The following ABCA13 variants were observed in gnomAD, a reference collection of about 807,000 sequenced individuals.
The protein encoded by ABCA13 is ATP-binding cassette sub-family A member 13.
Under a neutral mutation model 478.7 loss-of-function variants are expected in ABCA13, and 476 were observed. The observed-to-expected ratio is 0.99, with a 90% CI of 0.92 to 1.07. The LOEUF is 1.07. Among genes scored for constraint, ABCA13 ranks in the 50% least tolerant of loss-of-function variants. The pLI, the probability that ABCA13 is intolerant of heterozygous loss-of-function variation, is 0.00. For missense variants in ABCA13, 6,060 were observed against 5,910.6 expected (o/e 1.03, Z -0.83); for synonymous variants, 2,252 against 2,158.9 (o/e 1.04, Z -1.20).
intron 42 of ABCA13, among the ~76,000 whole-genome samples, chr7:48,441,911 G>C (rs1221773190): frequency 6.6e-6 from 1 of 152,190 alleles, no homozygotes; most frequent in Non-Finnish European, 1.5e-5. Flanking sequence ...TGTGCGATGA[G>C]TAACAACAAA....
At chr7:48,424,859 GA>G (rs1312656919) in intron 41 of ABCA13, among the ~76,000 whole-genome samples, 1 of 152,192 alleles carries the variant, frequency 6.6e-6, no homozygotes, top group East Asian at 1.9e-4. Flanking sequence ...TATTGCTTTT[GA>G]AAAGAGTAAC....
Position 48,272,839 on chromosome 7 carries a change from TC to T in ABCA13, c.3175del (p.His1059ThrfsTer4). Reference sequence around the variant, plus strand: ...ACAGAGGGCCAAGAACTGGAAGTGATCCACACTACTTTGACAGGCCTCAAAC... The same window carrying T: ...ACAGAGGGCCAAGAACTGGAAGTGATCACACTACTTTGACAGGCCTCAAAC... ...MSTEGQELEV[I>X]HTTLTGLKQL... On this transcript the variant is annotated frameshift_variant, in exon 17 of 62. Coordinates refer to ENST00000435803, the MANE Select transcript of ABCA13 (RefSeq NM_152701.5). LOFTEE classifies it high-confidence loss of function. 1 of 1,607,460 alleles carries T rather than the reference TC, an allele frequency of 6.2e-7. No homozygotes were observed. The highest frequency in any genetic ancestry group is 8.5e-7 in the Non-Finnish European group (1 of 1,176,036).
At chr7:48,353,344 A>C (rs767675529) in intron 31 of ABCA13, among the ~76,000 whole-genome samples, 4 of 151,488 alleles carry the variant, frequency 2.6e-5, no homozygotes, top group Non-Finnish European at 4.4e-5. Flanking sequence ...TTCATTTGCA[A>C]TCCCTGCATG....
chr7:48,244,389 A>G (rs1791351348), intron 10 of ABCA13, among the ~76,000 whole-genome samples, 187 bp from the exon 11 acceptor site: 2 of 152,212 alleles, frequency 1.3e-5, no homozygotes, highest in Non-Finnish European at 2.9e-5. Context: ...TATTGAAAGA[A>G]TCTCCCAATC....
intron 40 of ABCA13, among the ~76,000 whole-genome samples, chr7:48,411,051 T>TTTCTTTC (rs1819067407): frequency 1.5e-5 from 1 of 68,118 alleles, no homozygotes; most frequent in Non-Finnish European, 3.4e-5. Flanking sequence ...TTCTTTCTTT[T>TTTCTTTC]TCTTTCTTTC....
intron 38 of ABCA13, 137 bp downstream of exon 38, chr7:48,392,276 T>A: frequency 1.2e-6 from 1 of 834,798 alleles, no homozygotes; most frequent in Non-Finnish European, 1.8e-6. Context: ...GGTTGTTAAC[T>A]ATGGAATTAT....
Position 48,273,688 on chromosome 7 carries a change from G to T in ABCA13, c.4022G>T (p.Arg1341Leu). ...TTTCTTAGAAATGTATCACATGATC[G>T]AGATTTGTTTTCCTGTGCTGATATT... ...IVFLRNVSHD[R>L]DLFSCADIFQ... The change falls in exon 17 of 62, where the codon CGA becomes CTA. Residue 1341 changes from arginine to leucine, a missense_variant. Transcript: ENST00000435803. The T allele has an allele frequency of 6.2e-7, 1 of 1,607,862 alleles. No homozygotes were observed.
At chr7:48,455,432 C>A in intron 43 of ABCA13, 146 bp downstream of exon 43, 2 of 1,262,400 alleles carry the variant, frequency 1.6e-6, no homozygotes, top group Non-Finnish European at 2.1e-6. Context: ...ACGAGGAGAT[C>A]CTTGGAGAAG....
Position 48,382,841 on chromosome 7 carries a change from C to T in ABCA13, c.11336-4981C>T, listed in dbSNP as rs1457078988. ...TCTCTGCCTGATTCATTGGCGTGTC[C>T]CTCGTACCACTAGAGGGTGTGACTA... is the stretch of plus-strand genomic sequence containing the variant. On this transcript the variant is annotated intron_variant, in intron 35 of 61. Coordinates refer to ENST00000435803, the MANE Select transcript of ABCA13 (RefSeq NM_152701.5). Among the ~76,000 whole-genome samples the T allele has an allele frequency of 4.0e-5, 6 of 151,838 alleles. No individual in the cohort carries two copies. The East Asian group carries it at 5.8e-4, about 15-fold the overall frequency.
chr7:48,390,846 A>G (rs1024889182), intron 37 of ABCA13, among the ~76,000 whole-genome samples: 1 of 152,172 alleles, frequency 6.6e-6, no homozygotes, highest in African/African-American at 2.4e-5. Context: ...CATGGGTTGC[A>G]ACTGAGGTTG....
chr7:48,630,238 T>G (rs1342200955), intron 59 of ABCA13, among the ~76,000 whole-genome samples: 1 of 152,154 alleles, frequency 6.6e-6, no homozygotes, highest in Non-Finnish European at 1.5e-5. Flanking sequence ...GGGGGTTTGG[T>G]GTACACGTTA....
Position 48,192,962 on chromosome 7 carries a change from CT to C in ABCA13, c.77del (p.Phe26SerfsTer13). 6.6e-7 allele frequency: 1 copy of C among 1,506,068 alleles called. No homozygotes were observed. Among genetic ancestry groups the C allele is most frequent in the Non-Finnish European group, 8.8e-7 (1 of 1,135,558 alleles). 93.3% of individuals were successfully genotyped at this position (1,506,068 alleles called of 1,614,324 possible). ...TTTTTTTTTTTTAATTTTCTAGGTC[CT>C]TTTCCTTGCTGAATTCTTCTGGCCT... ...NWLCRLRNPV[L>X]FLAEFFWPCI... On this transcript the variant is annotated frameshift_variant, in exon 2 of 62. Coordinates refer to ENST00000435803, the MANE Select transcript of ABCA13 (RefSeq NM_152701.5). LOFTEE classifies it high-confidence loss of function.
intron 43 of ABCA13, among the ~76,000 whole-genome samples, chr7:48,456,313 ATTAGAT>A (rs1161655483): frequency 6.6e-6 from 1 of 152,242 alleles, no homozygotes; most frequent in East Asian, 1.9e-4. Context: ...GTAATTTGGA[ATTAGAT>A]TTAAACAAAT....
Position 48,350,748 on chromosome 7 carries a change from A to G in ABCA13, c.10310A>G (p.Gln3437Arg), listed in dbSNP as rs749333345. Residue 3437 changes from glutamine (Q) to arginine (R), a missense_variant, in exon 30 of 62, where the codon CAG becomes CGG. Gln to Arg is a conservative substitution (Grantham distance 43). This residue lies in a region of ABCA13 where 4,423 missense variants were observed against 4,309.1 expected (regional missense o/e 1.03). Transcript: ENST00000435803. The part of the protein sequence containing the change: ...LSSCVALNRF[Q>R]ALQSVDILET... ...TCCTGCGTGGCACTGAACCGTTTCCAGGCTCTGCAGTCTGTCGACATCCTG... is the reference window on the plus strand; with the variant it reads ...TCCTGCGTGGCACTGAACCGTTTCCGGGCTCTGCAGTCTGTCGACATCCTG... 1 of 1,613,952 alleles carries G rather than the reference A, an allele frequency of 6.2e-7. No individual in the cohort carries two copies. Among genetic ancestry groups the G allele is most frequent in the Admixed American group, 1.7e-5 (1 of 60,024 alleles).
At chr7:48,597,573 A>G (rs922348855) in intron 58 of ABCA13, among the ~76,000 whole-genome samples, 4 of 152,328 alleles carry the variant, frequency 2.6e-5, no homozygotes, top group South Asian at 2.1e-4. Context: ...ATATGTTCCC[A>G]GCAACAATGA....
At chr7:48,335,185 G>A (rs560895398) in intron 27 of ABCA13, among the ~76,000 whole-genome samples, 1 of 152,304 alleles carries the variant, frequency 6.6e-6, no homozygotes, top group African/African-American at 2.4e-5. Flanking sequence ...TAACACTGGC[G>A]AGACAGCAGT....
chr7:48,455,424 G>A (rs1281009858), intron 43 of ABCA13, 138 bp downstream of exon 43: 2 of 1,300,084 alleles, frequency 1.5e-6, no homozygotes, highest in Non-Finnish European at 1.0e-6. Context: ...CTGAATTCAC[G>A]AGGAGATCCT....
chr7:48,452,268 T>C (rs1317914267), intron 42 of ABCA13, among the ~76,000 whole-genome samples: 1 of 152,174 alleles, frequency 6.6e-6, no homozygotes, highest in African/African-American at 2.4e-5. Context: ...GGGAAAATAT[T>C]ACAAATCTCT....
chr7:48,633,931 CATA>C (rs1794400212), intron 59 of ABCA13, among the ~76,000 whole-genome samples: 2 of 144,890 alleles, frequency 1.4e-5, no homozygotes, highest in African/African-American at 2.6e-5. Flanking sequence ...TAGATAGATA[CATA>C]GATAGATAGA....
Sources: allele counts gnomAD v4.1 joint callset (sites outside exome capture counted in the v4.1 genomes callset), GRCh38; gene constraint gnomAD v4.1.1; regional missense constraint gnomAD v4.1.1; transcripts MANE v1.5; gene names NCBI Gene and HGNC (gene_info 2026-07-23, HGNC 2026-07-21).